MAGI3: variants seen among roughly 807,000 people sequenced by gnomAD.
MAGI3 encodes the protein membrane associated guanylate kinase, WW and PDZ domain containing 3.
Under a neutral mutation model 121.8 loss-of-function variants are expected in MAGI3, and 43 were observed. The ratio of observed to expected loss-of-function variants is 0.35; its 90% CI spans 0.28 to 0.46. MAGI3 has a LOEUF of 0.46. Among genes scored for constraint, MAGI3 ranks in the 20% least tolerant of loss-of-function variants. The probability of loss-of-function intolerance (pLI) is 1.00; values close to 1 mark genes in which losing one functional copy is unlikely to be tolerated. For missense variants in MAGI3, 1,547 were observed against 1,797.3 expected (o/e 0.86, Z 2.52); for synonymous variants, 553 against 639.3 (o/e 0.86, Z 2.04).
intron 1 of MAGI3, among the ~76,000 whole-genome samples, chr1:113,460,489 A>G (rs1342652307): frequency 6.6e-6 from 1 of 152,186 alleles, no homozygotes; most frequent in African/African-American, 2.4e-5. Context: ...CTCTGTTTGC[A>G]GATGACATGA....
chr1:113,437,880 C>CTTCTTCTTCTTCCTCTT (rs1557757197), intron 1 of MAGI3, among the ~76,000 whole-genome samples: 84 of 16,982 alleles, frequency 4.9e-3, no homozygotes, highest in East Asian at 0.014. Flanking sequence ...TTCTTCTTCT[C>CTTCTTCTTCTTCCTCTT]CTTCTCCTTC....
In MAGI3 at chr1:113,642,398, A is replaced by G. The variant is rs1211008660; in HGVS notation, c.1848A>G (p.Gly616=). ...DSQWCQGLQK[G]DIIKEIYHQN... Reference sequence around the variant, plus strand: ...AGTGGTGTCAAGGCCTTCAGAAAGGAGATATAATTAAGGAAATATACCATC... The same window carrying G: ...AGTGGTGTCAAGGCCTTCAGAAAGGGGATATAATTAAGGAAATATACCATC... Residue 616 remains glycine (G), a synonymous_variant, in exon 10 of 21, where the codon GGA becomes GGG. Coordinates refer to ENST00000307546, the MANE Select transcript of MAGI3 (RefSeq NM_001142782.2). The G allele has an allele frequency of 6.2e-7, 1 of 1,614,190 alleles. No homozygotes were observed. The highest frequency in any genetic ancestry group is 1.7e-5 in the Admixed American group (1 of 60,022).
chr1:113,465,440 C>T (rs1426147423), intron 1 of MAGI3, among the ~76,000 whole-genome samples: 1 of 151,828 alleles, frequency 6.6e-6, no homozygotes, highest in Non-Finnish European at 1.5e-5. Context: ...GTAGTGTGAC[C>T]CTTCCAGCTT....
At chr1:113,529,847 A>G (rs1658624088) in intron 1 of MAGI3, among the ~76,000 whole-genome samples, 1 of 152,166 alleles carries the variant, frequency 6.6e-6, no homozygotes, top group African/African-American at 2.4e-5. Context: ...ATAAAAATAA[A>G]TTAAAAATAA....
chr1:113,616,999 T>G (rs537842369), intron 7 of MAGI3, among the ~76,000 whole-genome samples: 2 of 151,814 alleles, frequency 1.3e-5, no homozygotes, highest in Non-Finnish European at 2.9e-5. Context: ...CAAGTGATTC[T>G]CGTACCTCAG....
At chr1:113,623,629 A>G (rs558074058) in intron 9 of MAGI3, among the ~76,000 whole-genome samples, 8 of 151,990 alleles carry the variant, frequency 5.3e-5, no homozygotes, top group Non-Finnish European at 8.8e-5. Context: ...CTGGGACTAC[A>G]GGCGCCCGCC....
At chr1:113,627,770 A>C (rs1164108877) in intron 9 of MAGI3, among the ~76,000 whole-genome samples, 3 of 151,742 alleles carry the variant, frequency 2.0e-5, no homozygotes, top group Non-Finnish European at 4.4e-5. Flanking sequence ...TTATTATATA[A>C]TGACCTTTTT....
At chr1:113,619,531 A>G (rs1250310785) in intron 7 of MAGI3, among the ~76,000 whole-genome samples, 1 of 152,204 alleles carries the variant, frequency 6.6e-6, no homozygotes, top group Non-Finnish European at 1.5e-5. Context: ...TAATATCAAA[A>G]GCTTCACAGC....
At chr1:113,489,581 A>G (rs539341576) in intron 1 of MAGI3, among the ~76,000 whole-genome samples, 1 of 152,300 alleles carries the variant, frequency 6.6e-6, no homozygotes, top group African/African-American at 2.4e-5. Flanking sequence ...GAATGTGGAT[A>G]GGAACAAAGC....
At chr1:113,595,377 A>T (rs1302632563) in intron 6 of MAGI3, among the ~76,000 whole-genome samples, 1 of 152,124 alleles carries the variant, frequency 6.6e-6, no homozygotes, top group African/African-American at 2.4e-5. Flanking sequence ...TTCCATCCAA[A>T]ATTGTTTGCT....
At chr1:113,575,034 C>T (rs1313982423) in intron 2 of MAGI3, among the ~76,000 whole-genome samples, 1 of 152,046 alleles carries the variant, frequency 6.6e-6, no homozygotes, top group Admixed American at 6.6e-5. Context: ...TTTTCAGCTC[C>T]ATCAGGTCAT....
intron 1 of MAGI3, among the ~76,000 whole-genome samples, chr1:113,412,182 TC>T (rs1238990237): frequency 1.3e-5 from 2 of 152,086 alleles, no homozygotes; most frequent in Non-Finnish European, 2.9e-5. Flanking sequence ...TTCATCCATG[TC>T]CCTGCAAAGT....
At chr1:113,619,036 G>C (rs1350376426) in intron 7 of MAGI3, among the ~76,000 whole-genome samples, 1 of 152,142 alleles carries the variant, frequency 6.6e-6, no homozygotes, top group Non-Finnish European at 1.5e-5. Context: ...GAATAGTTTG[G>C]CTAATCTCCT....
At chr1:113,503,806 A>G (rs1657173394) in intron 1 of MAGI3, among the ~76,000 whole-genome samples, 1 of 152,062 alleles carries the variant, frequency 6.6e-6, no homozygotes, top group Non-Finnish European at 1.5e-5. Context: ...GTGACTGGGA[A>G]TGACATGAAT....
At chr1:113,680,705 C>A (rs1020647849) in intron 19 of MAGI3, among the ~76,000 whole-genome samples, 1 of 151,986 alleles carries the variant, frequency 6.6e-6, no homozygotes, top group African/African-American at 2.4e-5. Context: ...TGCAGTGAGC[C>A]GAGGTCTCGC....
intron 9 of MAGI3, among the ~76,000 whole-genome samples, chr1:113,629,769 TCCC>T (rs1651500254): frequency 1.6e-5 from 1 of 64,116 alleles, no homozygotes; most frequent in Non-Finnish European, 3.2e-5. Context: ...TCTCCCTCCC[TCCC>T]TCCCTCCCTC....
At chr1:113,497,517 C>G (rs1371139914) in intron 1 of MAGI3, among the ~76,000 whole-genome samples, 2 of 36,600 alleles carry the variant, frequency 5.5e-5, no homozygotes, top group Non-Finnish European at 5.3e-5. Flanking sequence ...GCTTAAGAAA[C>G]GGCGCACCAC....
At chr1:113,632,653 A>G (rs115889636) in intron 9 of MAGI3, among the ~76,000 whole-genome samples, 64 of 152,364 alleles carry the variant, frequency 4.2e-4, no homozygotes, top group African/African-American at 1.5e-3. Context: ...AGAGGGATTT[A>G]TTAAGCTGCC....
At chr1:113,665,131 T>G (rs984693710) in intron 16 of MAGI3, among the ~76,000 whole-genome samples, 5 of 152,174 alleles carry the variant, frequency 3.3e-5, no homozygotes, top group African/African-American at 1.2e-4. Flanking sequence ...ATTTTTGTAC[T>G]TAGGTCTTTA....
Sources: allele counts gnomAD v4.1 joint callset (sites outside exome capture counted in the v4.1 genomes callset), GRCh38; gene constraint gnomAD v4.1.1; transcripts MANE v1.5; gene names NCBI Gene and HGNC (gene_info 2026-07-23, HGNC 2026-07-21).